CCSER1: variants seen among roughly 807,000 people sequenced by gnomAD.
CCSER1 encodes serine-rich coiled-coil domain-containing protein 1.
CCSER1 carries 41 observed loss-of-function variants against 82.0 expected under a neutral mutation model. The ratio of observed to expected loss-of-function variants is 0.50; its 90% CI spans 0.39 to 0.65. The LOEUF (loss-of-function observed/expected upper bound fraction) is 0.65. Ranked by LOEUF, CCSER1 falls within the 30% of genes least tolerant of loss-of-function variation. The pLI is 0.00. For synonymous variants in CCSER1, 414 were observed against 383.9 expected (o/e 1.08, Z -0.92); for missense variants, 1,119 against 1,064.2 (o/e 1.05, Z -0.72).
chr4:91,553,695 C>A (rs1762267971), intron 10 of CCSER1, among the ~76,000 whole-genome samples: 1 of 150,698 alleles, frequency 6.6e-6, no homozygotes, highest in Non-Finnish European at 1.5e-5. Context: ...CTAAATTATT[C>A]AATTTGTTGT....
intron 5 of CCSER1, among the ~76,000 whole-genome samples, chr4:90,536,089 G>A (rs1775320868): frequency 7.1e-6 from 1 of 139,866 alleles, no homozygotes. Flanking sequence ...CTGGAGTGCA[G>A]TGGTGAGATC....
chr4:90,144,533 A>T (rs1428070863), intron 1 of CCSER1, among the ~76,000 whole-genome samples: 1 of 152,202 alleles, frequency 6.6e-6, no homozygotes, highest in Admixed American at 6.5e-5. Context: ...TGCACACAGT[A>T]AACAGCTGAG....
intron 10 of CCSER1, among the ~76,000 whole-genome samples, chr4:91,244,911 C>T (rs1739644495): frequency 6.6e-6 from 1 of 151,940 alleles, no homozygotes; most frequent in Non-Finnish European, 1.5e-5. Flanking sequence ...TTTCAGTATC[C>T]TATCAGATAA....
chr4:91,261,970 G>A (rs1741221593), intron 10 of CCSER1, among the ~76,000 whole-genome samples: 1 of 152,066 alleles, frequency 6.6e-6, no homozygotes, highest in African/African-American at 2.4e-5. Flanking sequence ...GAGTAAGACA[G>A]AAATGTATAA....
At chr4:90,554,977 C>T (rs186530584) in intron 5 of CCSER1, among the ~76,000 whole-genome samples, 24 of 152,156 alleles carry the variant, frequency 1.6e-4, no homozygotes, top group African/African-American at 5.3e-4. Context: ...ATAAACACTT[C>T]GGTTACATCA....
At chr4:91,375,863 A>T (rs1019210524) in intron 10 of CCSER1, among the ~76,000 whole-genome samples, 4 of 152,026 alleles carry the variant, frequency 2.6e-5, no homozygotes, top group African/African-American at 9.7e-5. Context: ...GAATTTTAGT[A>T]TTTGATAAAA....
chr4:90,862,863 A>G (rs1383324174), intron 8 of CCSER1, among the ~76,000 whole-genome samples: 1 of 148,322 alleles, frequency 6.7e-6, no homozygotes, highest in Admixed American at 6.8e-5. Context: ...GGTTCAGAAA[A>G]CCCGTATTAC....
intron 1 of CCSER1, among the ~76,000 whole-genome samples, chr4:90,164,444 G>T (rs1268624530): frequency 7.2e-5 from 11 of 152,084 alleles, no homozygotes; most frequent in Admixed American, 7.2e-4. Context: ...GGACAAAAAA[G>T]AATCTGTACT....
At chr4:91,241,849 A>G (rs1434355551) in intron 10 of CCSER1, among the ~76,000 whole-genome samples, 3 of 152,152 alleles carry the variant, frequency 2.0e-5, no homozygotes, top group Admixed American at 1.3e-4. Flanking sequence ...TGTGCTAAGG[A>G]GGGGATATAT....
chr4:90,402,883 T>G (rs1753090477), intron 4 of CCSER1, among the ~76,000 whole-genome samples: 1 of 152,188 alleles, frequency 6.6e-6, no homozygotes, highest in Admixed American at 6.5e-5. Context: ...TGAGTCTACT[T>G]TAAGGTGTAG....
chr4:90,747,860 T>A (rs1431067397), intron 7 of CCSER1, among the ~76,000 whole-genome samples: 4 of 140,070 alleles, frequency 2.9e-5, no homozygotes, highest in East Asian at 2.3e-4. Flanking sequence ...TGTCCATGTG[T>A]TCTCATTGTT....
intron 5 of CCSER1, among the ~76,000 whole-genome samples, chr4:90,510,044 G>A (rs1375143945): frequency 6.6e-6 from 1 of 152,132 alleles, no homozygotes; most frequent in Non-Finnish European, 1.5e-5. Context: ...CTCACAGTGT[G>A]CTAGAACTTT....
chr4:90,963,771 A>G (rs1486033447), intron 9 of CCSER1, among the ~76,000 whole-genome samples: 1 of 152,186 alleles, frequency 6.6e-6, no homozygotes, highest in Non-Finnish European at 1.5e-5. Flanking sequence ...CATTTAAGCC[A>G]CCCAGTCTGT....
intron 1 of CCSER1, among the ~76,000 whole-genome samples, chr4:90,249,588 A>G (rs1486842260): frequency 1.3e-5 from 2 of 152,176 alleles, no homozygotes; most frequent in East Asian, 3.8e-4. Context: ...AATAGAACAT[A>G]CAATATGTGG....
chr4:90,271,860 ATATTTT>A (rs1302791229), intron 1 of CCSER1, among the ~76,000 whole-genome samples: 11 of 22,236 alleles, frequency 4.9e-4, no homozygotes, highest in African/African-American at 9.5e-4. Context: ...ATATATATAT[ATATTTT>A]TTTTTTTTTT....
At chr4:90,868,391 T>C (rs1766010016) in intron 8 of CCSER1, among the ~76,000 whole-genome samples, 1 of 152,054 alleles carries the variant, frequency 6.6e-6, no homozygotes, top group Non-Finnish European at 1.5e-5. Context: ...TCCTACTCTC[T>C]ATCTCGATGA....
At chr4:91,019,067 G>T (rs1227827623) in intron 9 of CCSER1, among the ~76,000 whole-genome samples, 3 of 151,806 alleles carry the variant, frequency 2.0e-5, no homozygotes, top group African/African-American at 7.2e-5. Flanking sequence ...GTCATTAAAT[G>T]AATGTCTAGA....
intron 10 of CCSER1, among the ~76,000 whole-genome samples, chr4:91,577,638 CTGATG>C (rs1384469210): frequency 3.9e-5 from 6 of 151,934 alleles, no homozygotes; most frequent in Non-Finnish European, 8.8e-5. Flanking sequence ...TCAATGTAAT[CTGATG>C]TAACACTCCG....
intron 10 of CCSER1, among the ~76,000 whole-genome samples, chr4:91,570,556 AGGCTTGG>A (rs1763125998): frequency 6.6e-6 from 1 of 152,188 alleles, no homozygotes; most frequent in African/African-American, 2.4e-5. Context: ...TAAGCCACCA[AGGCTTGG>A]GGCTTGCACC....
Sources: gnomAD v4.1 joint callset for allele counts (sites outside exome capture counted in the v4.1 genomes callset) on GRCh38, gnomAD v4.1.1 for gene constraint, MANE v1.5 for transcripts, NCBI Gene and HGNC (gene_info 2026-07-23, HGNC 2026-07-21) for gene names.